Variants in NEBL observed in about 807,000 individuals in gnomAD.
NEBL encodes nebulette.
In NEBL, 122 loss-of-function variants were observed where a neutral mutation model predicts 140.2. The ratio of observed to expected loss-of-function variants is 0.87; its 90% CI spans 0.75 to 1.01. NEBL has a LOEUF of 1.01. Ranked by LOEUF, NEBL falls within the 50% of genes least tolerant of loss-of-function variation. The probability of loss-of-function intolerance (pLI) is 0.00; values close to 1 mark genes in which losing one functional copy is unlikely to be tolerated. For missense variants in NEBL, 1,365 were observed against 1,231.3 expected, an observed-to-expected ratio of 1.11 and a Z score of -1.62; for synonymous variants, 436 against 398.9, an observed-to-expected ratio of 1.09 and a Z score of -1.11.
At chr10:21,206,031 A>C (rs1841819714) in intron 3 of NEBL, among the ~76,000 whole-genome samples, 2 of 152,196 alleles carry the variant, frequency 1.3e-5, no homozygotes, top group Non-Finnish European at 2.9e-5. Flanking sequence ...TTAATATGGG[A>C]ATTCACTCAG....
chr10:21,200,680 AC>A (rs1841721639), intron 3 of NEBL, among the ~76,000 whole-genome samples: 1 of 152,094 alleles, frequency 6.6e-6, no homozygotes, highest in Non-Finnish European at 1.5e-5. Context: ...AATACTTAAC[AC>A]CTGTTAGAAC....
At chr10:21,033,157 G>A (rs1463669456) in intron 2 of NEBL, among the ~76,000 whole-genome samples, 1 of 152,106 alleles carries the variant, frequency 6.6e-6, no homozygotes, top group Non-Finnish European at 1.5e-5. Context: ...TTTGTGCCCA[G>A]GAACACCAAC....
chr10:20,970,531 A>G (rs1836523945), intron 3 of NEBL, among the ~76,000 whole-genome samples: 1 of 152,120 alleles, frequency 6.6e-6, no homozygotes, highest in South Asian at 2.1e-4. Context: ...CTGTGGTCCC[A>G]GCTACTCAGG....
chr10:20,939,066 C>A (rs904289366), intron 4 of NEBL, among the ~76,000 whole-genome samples: 8 of 152,214 alleles, frequency 5.3e-5, no homozygotes, highest in African/African-American at 1.7e-4. Context: ...GGCCAACATT[C>A]AGATTCAGGA....
chr10:20,825,564 G>T (rs1358291411), intron 18 of NEBL, among the ~76,000 whole-genome samples: 1 of 151,976 alleles, frequency 6.6e-6, no homozygotes, highest in Admixed American at 6.6e-5. Context: ...CTACTCGGGA[G>T]GCTGAGACAG....
intron 3 of NEBL, among the ~76,000 whole-genome samples, chr10:20,985,732 T>C (rs1223540066): frequency 2.0e-5 from 3 of 152,084 alleles, no homozygotes; most frequent in Non-Finnish European, 4.4e-5. Flanking sequence ...ATACTGAACA[T>C]ACAATATTCA....
At chr10:21,059,719 T>G (rs1004668362) in intron 2 of NEBL, among the ~76,000 whole-genome samples, 2 of 152,220 alleles carry the variant, frequency 1.3e-5, no homozygotes, top group East Asian at 3.8e-4. Context: ...TTTTCAGTCA[T>G]GTAACATTAG....
Position 20,783,863 on chromosome 10 carries a change from G to A in NEBL, c.*1884C>T, listed in dbSNP as rs189044813. The A allele has an allele frequency of 6.6e-6, 1 of 152,526 alleles. No individual in the cohort carries two copies. The highest frequency in any genetic ancestry group is 1.5e-5 in the Non-Finnish European group (1 of 68,022). 9.4% of individuals were successfully genotyped at this position (152,526 alleles called of 1,614,324 possible). ...ATCACGACTGGCCATTTCAGTGAGA[G>A]AAAACCAGCCAAACCCCCTTAAAAG... On this transcript the variant is annotated 3_prime_UTR_variant, in exon 28 of 28. Transcript: ENST00000377122.
chr10:21,243,498 G>C (rs1177820896), intron 3 of NEBL, among the ~76,000 whole-genome samples: 1 of 151,838 alleles, frequency 6.6e-6, no homozygotes, highest in Non-Finnish European at 1.5e-5. Context: ...GTAGAGATGG[G>C]GTTTTGCCAT....
chr10:21,083,871 A>T (rs1022546983), intron 2 of NEBL, among the ~76,000 whole-genome samples: 4 of 151,910 alleles, frequency 2.6e-5, no homozygotes, highest in South Asian at 2.1e-4. Flanking sequence ...AAGAAGCTAC[A>T]CTCTTACAGG....
intron 2 of NEBL, among the ~76,000 whole-genome samples, chr10:21,062,576 A>G (rs1309992161): frequency 6.6e-6 from 1 of 152,162 alleles, no homozygotes; most frequent in African/African-American, 2.4e-5. Context: ...GGTCCCAGCT[A>G]CACCAGATGC....
At chr10:20,896,597 T>C (rs1189389088) in intron 2 of NEBL, among the ~76,000 whole-genome samples, 1 of 149,604 alleles carries the variant, frequency 6.7e-6, no homozygotes, top group African/African-American at 2.5e-5. Context: ...TGACTATTCA[T>C]TTAGATAGAG....
chr10:21,020,160 G>T, exon 3 of NEBL: 1 of 1,614,124 alleles, frequency 6.2e-7, no homozygotes, highest in Non-Finnish European at 8.5e-7. Context: ...AAGATTTTCA[G>T]GTGTATCTGC....
intron 4 of NEBL, among the ~76,000 whole-genome samples, chr10:20,914,708 C>T (rs1848465131): frequency 6.6e-6 from 1 of 152,070 alleles, no homozygotes; most frequent in Non-Finnish European, 1.5e-5. Context: ...TTCTGAGCTA[C>T]AGGTAACTGC....
At chr10:21,145,477 G>A (rs775451918) in intron 2 of NEBL, among the ~76,000 whole-genome samples, 1 of 152,180 alleles carries the variant, frequency 6.6e-6, no homozygotes, top group Non-Finnish European at 1.5e-5. Context: ...CTATATTATG[G>A]AACTAGAATA....
intron 4 of NEBL, among the ~76,000 whole-genome samples, chr10:20,953,791 G>C (rs886664635): frequency 6.6e-6 from 1 of 151,796 alleles, no homozygotes; most frequent in Non-Finnish European, 1.5e-5. Context: ...TTGCAAAGAG[G>C]AGTTTCAAGA....
Position 20,826,553 on chromosome 10 carries a change from A to G in NEBL, c.1777-14T>C, listed in dbSNP as rs1839894225. The G allele has an allele frequency of 6.4e-7, 1 of 1,569,354 alleles. No homozygotes were observed. The highest frequency in any genetic ancestry group is 8.8e-7 in the Non-Finnish European group (1 of 1,141,050). On this transcript the variant is annotated splice_polypyrimidine_tract_variant and intron_variant, in intron 17 of 27. Transcript: ENST00000377122. ...CTTATAAAATACCTTTATTATAAGA[A>G]AAGGAAAAGAATAACTAAGCTTGTC...
At position 21,170,980 on chromosome 10, in the gene NEBL, G is replaced by A. The variant is rs537499544; in HGVS notation, c.164+1403C>T. 3.9e-5 allele frequency among the ~76,000 whole-genome samples: 6 copies of A among 152,260 alleles called. No individual in the cohort carries two copies. The South Asian group carries it at 1.0e-3, about 26-fold the overall frequency. ...GCAACATTCCAGCCAAAAGGCCAGG[G>A]GTCCAAAGGCCCCTTTGCTGCCTCC... On this transcript the variant is annotated intron_variant, in intron 2 of 6. Transcript: ENST00000417816.
intron 2 of NEBL, chr10:21,146,499 T>G (rs574676514): frequency 4.3e-6 from 7 of 1,612,254 alleles, no homozygotes; most frequent in Non-Finnish European, 5.9e-6. Context: ...CTTCTTTCAC[T>G]TTTAGCCATC....
Sources: allele counts gnomAD v4.1 joint callset (sites outside exome capture counted in the v4.1 genomes callset), GRCh38; gene constraint gnomAD v4.1.1; transcripts MANE v1.5; gene names NCBI Gene and HGNC (gene_info 2026-07-23, HGNC 2026-07-21).